The following IMMP2L variants were observed in gnomAD, a reference collection of about 807,000 sequenced individuals.
IMMP2L encodes mitochondrial inner membrane protease subunit 2.
A neutral mutation model predicts 19.3 loss-of-function variants in IMMP2L; 18 were observed. The observed-to-expected ratio is 0.93, with a 90% CI of 0.64 to 1.38. The LOEUF (loss-of-function observed/expected upper bound fraction) is 1.38. Among genes scored for constraint, IMMP2L ranks in the 40% most tolerant of loss-of-function variants. IMMP2L has a pLI of 0.00. For missense variants in IMMP2L, 233 were observed against 218.2 expected (o/e 1.07, Z -0.43); for synonymous variants, 76 against 73.0 (o/e 1.04, Z -0.21).
chr7:111,483,254 T>G (rs1842346208), intron 3 of IMMP2L, among the ~76,000 whole-genome samples: 1 of 152,246 alleles, frequency 6.6e-6, no homozygotes, highest in South Asian at 2.1e-4. Context: ...ATTTAGGACT[T>G]TATTATGAAA....
chr7:110,878,476 T>C (rs1489474690), intron 5 of IMMP2L, among the ~76,000 whole-genome samples: 1 of 152,048 alleles, frequency 6.6e-6, no homozygotes, highest in Non-Finnish European at 1.5e-5. Context: ...CATTTTGATA[T>C]TTTACAAAAA....
At chr7:111,018,155 G>C (rs139064016) in intron 3 of IMMP2L, among the ~76,000 whole-genome samples, 28 of 152,230 alleles carry the variant, frequency 1.8e-4, no homozygotes, top group African/African-American at 6.0e-4. Context: ...AGAAGGAGGA[G>C]GAATGTAATA....
chr7:111,371,203 C>A (rs892132874), intron 3 of IMMP2L, among the ~76,000 whole-genome samples: 23 of 151,918 alleles, frequency 1.5e-4, no homozygotes, highest in Admixed American at 1.5e-3. Context: ...TGCTTGGACT[C>A]TTCTTCACTA....
chr7:110,884,544 T>C (rs1198462679), intron 5 of IMMP2L, among the ~76,000 whole-genome samples: 1 of 152,066 alleles, frequency 6.6e-6, no homozygotes, highest in Non-Finnish European at 1.5e-5. Flanking sequence ...TCCATCATTG[T>C]GCAATGATCA....
chr7:110,783,710 T>C (rs1362274879), intron 5 of IMMP2L, among the ~76,000 whole-genome samples: 3 of 151,920 alleles, frequency 2.0e-5, no homozygotes, highest in Non-Finnish European at 2.9e-5. Context: ...TCAGGTTACA[T>C]TGTATTTTCA....
At chr7:110,773,278 C>G (rs1006249580) in intron 5 of IMMP2L, among the ~76,000 whole-genome samples, 3 of 152,092 alleles carry the variant, frequency 2.0e-5, no homozygotes, top group Admixed American at 2.0e-4. Context: ...CACAACCCGC[C>G]TGGGGCGATA....
chr7:110,858,420 G>T (rs1349447415), intron 5 of IMMP2L, among the ~76,000 whole-genome samples: 1 of 151,970 alleles, frequency 6.6e-6, no homozygotes, highest in Non-Finnish European at 1.5e-5. Context: ...GACTAGCAGA[G>T]GGGGAGGGGG....
At chr7:111,147,857 G>T (rs908016980) in intron 3 of IMMP2L, among the ~76,000 whole-genome samples, 19 of 152,066 alleles carry the variant, frequency 1.2e-4, no homozygotes, top group African/African-American at 4.3e-4. Flanking sequence ...AATGTTCCAA[G>T]AAGAATTTAT....
intron 2 of IMMP2L, among the ~76,000 whole-genome samples, chr7:111,502,628 CCA>C (rs1380157095): frequency 6.6e-6 from 1 of 151,986 alleles, no homozygotes; most frequent in Non-Finnish European, 1.5e-5. Context: ...ATCTCTCAGA[CCA>C]CAGTGCAATC....
chr7:110,772,961 T>G (rs1218802024), intron 5 of IMMP2L, among the ~76,000 whole-genome samples: 2 of 152,004 alleles, frequency 1.3e-5, no homozygotes, highest in Admixed American at 6.6e-5. Context: ...CTTTTTTTTT[T>G]CCCTTTGTCC....
chr7:110,805,014 T>A (rs182445451), intron 5 of IMMP2L, among the ~76,000 whole-genome samples: 114 of 152,248 alleles, frequency 7.5e-4, no homozygotes, highest in Non-Finnish European at 1.2e-3. Flanking sequence ...ACCAGTGATG[T>A]CCTTCACGAT....
At chr7:111,494,322 A>T (rs1056030063) in intron 2 of IMMP2L, among the ~76,000 whole-genome samples, 3 of 152,172 alleles carry the variant, frequency 2.0e-5, no homozygotes, top group African/African-American at 4.8e-5. Flanking sequence ...ACAAAGAACA[A>T]AAAAAGCCAA....
At chr7:110,754,624 G>A (rs1473598658) in intron 5 of IMMP2L, among the ~76,000 whole-genome samples, 2 of 152,008 alleles carry the variant, frequency 1.3e-5, no homozygotes. Context: ...AATTTTTTAA[G>A]TGAACAGATA....
At chr7:111,062,791 T>G (rs552699419) in intron 3 of IMMP2L, among the ~76,000 whole-genome samples, 4 of 152,376 alleles carry the variant, frequency 2.6e-5, no homozygotes, top group South Asian at 4.1e-4. Flanking sequence ...ATGATCTCCT[T>G]TGACCCCATG....
At chr7:111,541,503 T>G (rs957540856) in intron 1 of IMMP2L, among the ~76,000 whole-genome samples, 3 of 152,186 alleles carry the variant, frequency 2.0e-5, no homozygotes, top group Admixed American at 6.5e-5. Flanking sequence ...AACTAAATTA[T>G]TTTTATACTG....
At chr7:111,541,351 G>A (rs189909694) in intron 1 of IMMP2L, among the ~76,000 whole-genome samples, 13 of 152,152 alleles carry the variant, frequency 8.5e-5, no homozygotes, top group East Asian at 7.7e-4. Context: ...TCATACCTGC[G>A]TTCATTTAAT....
chr7:111,123,306 G>A lies in IMMP2L; in HGVS notation c.240-159741C>T. On this transcript the variant is annotated intron_variant, in intron 3 of 5. Coordinates refer to ENST00000405709, the MANE Select transcript of IMMP2L (RefSeq NM_032549.4). The surrounding 1 kb of genome is among the most constrained non-coding windows in gnomAD (Gnocchi z 6.4). ...ATCTCAATTCAAATAGATTGCAGAT[G>A]ATCAACAGTAAGTGGTTTGATGCTC... 1 of 1,613,776 alleles carries A rather than the reference G, an allele frequency of 6.2e-7. No homozygotes were observed. The highest frequency in any genetic ancestry group is 8.5e-7 in the Non-Finnish European group (1 of 1,179,930).
At chr7:111,001,613 A>C (rs1183589207) in intron 3 of IMMP2L, among the ~76,000 whole-genome samples, 3 of 152,190 alleles carry the variant, frequency 2.0e-5, no homozygotes, top group Non-Finnish European at 4.4e-5. Flanking sequence ...GAATCAATTA[A>C]AGCAATATTT....
At chr7:111,050,447 A>C (rs1340614020) in intron 3 of IMMP2L, among the ~76,000 whole-genome samples, 1 of 152,206 alleles carries the variant, frequency 6.6e-6, no homozygotes, top group African/African-American at 2.4e-5. Context: ...TCAGCACAAT[A>C]CTGAAAAGTC....
Sources: gnomAD v4.1 joint callset for allele counts (sites outside exome capture counted in the v4.1 genomes callset) on GRCh38, gnomAD v4.1.1 for gene constraint, Gnocchi (gnomAD v3.1) non-coding constraint, MANE v1.5 for transcripts, NCBI Gene and HGNC (gene_info 2026-07-23, HGNC 2026-07-21) for gene names.